CPEB1: variants seen among roughly 807,000 people sequenced by gnomAD.
CPEB1 encodes cytoplasmic polyadenylation element-binding protein 1.
A neutral mutation model predicts 65.8 loss-of-function variants in CPEB1; 7 were observed. The ratio of observed to expected loss-of-function variants is 0.11; its 90% CI spans 0.06 to 0.20. The LOEUF (loss-of-function observed/expected upper bound fraction) is 0.20, where lower values mean the gene tolerates loss of function less well. CPEB1 is among the 10% of genes least tolerant of loss of function. The probability of loss-of-function intolerance (pLI) is 1.00; values close to 1 mark genes in which losing one functional copy is unlikely to be tolerated. For missense variants in CPEB1, 551 were observed against 712.2 expected, an observed-to-expected ratio of 0.77 and a Z score of 2.58; for synonymous variants, 262 against 260.0, an observed-to-expected ratio of 1.01 and a Z score of -0.08.
chr15:82,544,786 T>C lies in CPEB1; in HGVS notation c.1657-84A>G, dbSNP rs993223748. The C allele has an allele frequency of 6.7e-6, 7 of 1,050,572 alleles. No individual in the cohort carries two copies. The Admixed American group carries it at 9.8e-5, about 15-fold the overall frequency. The allele number at this position is 1,050,572 out of a possible 1,614,324, so 65.1% of individuals were successfully genotyped here. A position where few individuals can be genotyped will look rare whatever the true frequency, so the allele number is the denominator to read the frequency against. ...CTGTTGCACGAGCTGCTTGTTCTGT[T>C]TGGAGAAGGGTGGGAGACTCCCGAT... On this transcript the variant is annotated intron_variant, in intron 12 of 12. Transcript: ENST00000684509.
At chr15:82,577,713 G>A (rs2040815254) in intron 3 of CPEB1, among the ~76,000 whole-genome samples, 1 of 152,034 alleles carries the variant, frequency 6.6e-6, no homozygotes, top group Admixed American at 6.6e-5. Flanking sequence ...TGTAAAGACA[G>A]GGTCTTGCTA....
At chr15:82,560,041 G>A (rs907053861) in intron 4 of CPEB1, among the ~76,000 whole-genome samples, 14 of 152,056 alleles carry the variant, frequency 9.2e-5, no homozygotes, top group East Asian at 5.8e-4. Flanking sequence ...CCGAGATTGC[G>A]CCACTACACT....
At chr15:82,626,646 G>A (rs970336642) in intron 3 of CPEB1, among the ~76,000 whole-genome samples, 8 of 152,030 alleles carry the variant, frequency 5.3e-5, no homozygotes, top group East Asian at 3.9e-4. Flanking sequence ...AACTAAATGC[G>A]TGCTGACTCA....
chr15:82,601,558 A>T (rs898924007), intron 3 of CPEB1, among the ~76,000 whole-genome samples: 37 of 152,022 alleles, frequency 2.4e-4, no homozygotes, highest in African/African-American at 5.5e-4. Flanking sequence ...CAACAAAAAA[A>T]TTTTTTTTCT....
intron 1 of CPEB1, among the ~76,000 whole-genome samples, chr15:82,635,681 CAGG>C (rs10599322): frequency 0.21 from 32,421 of 151,984 alleles, 3,661 homozygotes; most frequent in African/African-American, 0.26. Flanking sequence ...TCCTTGCCCT[CAGG>C]AGAATTATTC....
intron 4 of CPEB1, among the ~76,000 whole-genome samples, chr15:82,564,732 T>C (rs536666791): frequency 5.3e-5 from 8 of 152,302 alleles, no homozygotes; most frequent in South Asian, 4.1e-4. Flanking sequence ...ACTTCTTCCC[T>C]GAGTCTCAAT....
chr15:82,580,637 G>C (rs541315393), intron 3 of CPEB1, among the ~76,000 whole-genome samples: 1 of 151,936 alleles, frequency 6.6e-6, no homozygotes, highest in African/African-American at 2.4e-5. Flanking sequence ...CTTTTTTTAC[G>C]CTAAGCTAAA....
At chr15:82,636,264 A>T (rs770052266) in intron 1 of CPEB1, among the ~76,000 whole-genome samples, 6 of 152,062 alleles carry the variant, frequency 3.9e-5, no homozygotes, top group Non-Finnish European at 7.4e-5. Context: ...GCCAGCACTG[A>T]TCTCTCCCCT....
At chr15:82,625,596 C>T (rs1428540994) in intron 3 of CPEB1, among the ~76,000 whole-genome samples, 1 of 152,154 alleles carries the variant, frequency 6.6e-6, no homozygotes, top group Non-Finnish European at 1.5e-5. Flanking sequence ...AGGAACCCAC[C>T]TATACCAGAA....
chr15:82,552,357 G>T, intron 9 of CPEB1, 123 bp downstream of exon 9: 2 of 823,250 alleles, frequency 2.4e-6, no homozygotes, highest in Non-Finnish European at 3.5e-6. Context: ...GGGACAAGAA[G>T]AGCCTTCTTG....
At chr15:82,552,299 CTTTT>C (rs112872369) in intron 9 of CPEB1, among the ~76,000 whole-genome samples, 177 bp downstream of exon 9, 2 of 139,364 alleles carry the variant, frequency 1.4e-5, no homozygotes, top group Non-Finnish European at 3.2e-5. Context: ...CCAAAGGTTG[CTTTT>C]TTTTTTTTTT....
In CPEB1 at chr15:82,544,567, A is replaced by C; in HGVS notation, c.*25T>G. On this transcript the variant is annotated 3_prime_UTR_variant, in exon 13 of 13. Coordinates refer to ENST00000684509, the MANE Select transcript of CPEB1 (RefSeq NM_001365242.1). The stretch of plus-strand genomic sequence containing the variant: ...CTGACCTGCCAGCTTTGGGCGCCAC[A>C]GGCCACTGGGCAAGGCCAGCTCCTC... The C allele has an allele frequency of 6.3e-7, 1 of 1,586,240 alleles. No individual in the cohort carries two copies. The highest frequency in any genetic ancestry group is 8.6e-7 in the Non-Finnish European group (1 of 1,158,136).
At chr15:82,558,779 C>T (rs934802985) in intron 4 of CPEB1, among the ~76,000 whole-genome samples, 21 of 152,172 alleles carry the variant, frequency 1.4e-4, no homozygotes, top group Non-Finnish European at 2.9e-4. Flanking sequence ...AGCACAGTAG[C>T]ACCCAGCACA....
chr15:82,556,174 G>A (rs764871373), intron 5 of CPEB1, 52 bp from the exon 6 acceptor site: 2 of 1,509,534 alleles, frequency 1.3e-6, no homozygotes, highest in African/African-American at 1.4e-5. Context: ...TTGTTATAAA[G>A]TAATAATCAC....
At chr15:82,610,986 AAAGAAAAAAAGAAAAAAAAAT>A (rs2044099119) in intron 3 of CPEB1, among the ~76,000 whole-genome samples, 1 of 142,358 alleles carries the variant, frequency 7.0e-6, no homozygotes, top group Non-Finnish European at 1.5e-5. Context: ...AAAAAAAAAA[AAAGAAAAAAAGAAAAAAAAAT>A]CCTCAACTTG....
At chr15:82,577,865 G>A (rs2040833134) in intron 3 of CPEB1, among the ~76,000 whole-genome samples, 1 of 152,096 alleles carries the variant, frequency 6.6e-6, no homozygotes, top group African/African-American at 2.4e-5. Flanking sequence ...ATTGGGCCAG[G>A]CACGGTGGCT....
intron 3 of CPEB1, among the ~76,000 whole-genome samples, chr15:82,617,623 G>A (rs2044847115): frequency 6.6e-6 from 1 of 150,752 alleles, no homozygotes; most frequent in Non-Finnish European, 1.5e-5. Flanking sequence ...CAATAATAAT[G>A]TAAGTTGTTA....
intron 1 of CPEB1, among the ~76,000 whole-genome samples, chr15:82,631,968 A>ATT (rs2046284765): frequency 7.2e-6 from 1 of 139,470 alleles, no homozygotes; most frequent in Non-Finnish European, 1.5e-5. Flanking sequence ...CACAGAATTC[A>ATT]TTTATTTTTT....
chr15:82,554,092 C>T, intron 6 of CPEB1, 101 bp from the exon 7 acceptor site: 1 of 651,468 alleles, frequency 1.5e-6, no homozygotes, highest in Non-Finnish European at 2.6e-6. Context: ...TGACTGGCCA[C>T]AATCCTTGCC....
Sources: allele counts gnomAD v4.1 joint callset (sites outside exome capture counted in the v4.1 genomes callset), GRCh38; gene constraint gnomAD v4.1.1; transcripts MANE v1.5; gene names NCBI Gene and HGNC (gene_info 2026-07-23, HGNC 2026-07-21).